Variants in ARMH3 observed in about 807,000 individuals in gnomAD.
ARMH3 encodes armadillo-like helical domain-containing protein 3.
A neutral mutation model predicts 99.1 loss-of-function variants in ARMH3; 60 were observed. The observed-to-expected ratio is 0.61, with a 90% CI of 0.49 to 0.75. ARMH3 has a LOEUF of 0.75. ARMH3 is among the 30% of genes least tolerant of loss of function. The probability of loss-of-function intolerance (pLI) is 0.00; values close to 1 mark genes in which losing one functional copy is unlikely to be tolerated. For missense variants in ARMH3, 679 were observed against 843.1 expected (o/e 0.81, Z 2.41); for synonymous variants, 285 against 292.8 (o/e 0.97, Z 0.27).
intron 23 of ARMH3, among the ~76,000 whole-genome samples, chr10:101,895,945 T>C (rs2067821992): frequency 6.6e-6 from 1 of 152,186 alleles, no homozygotes; most frequent in African/African-American, 2.4e-5. Flanking sequence ...GAGATACCAC[T>C]TCACACCCAT....
At chr10:101,856,864 G>A (rs2066748940) in intron 24 of ARMH3, among the ~76,000 whole-genome samples, 2 of 152,104 alleles carry the variant, frequency 1.3e-5, no homozygotes, top group African/African-American at 4.8e-5. Flanking sequence ...TTCCCATAAT[G>A]TGGAGGGGGC....
intron 22 of ARMH3, among the ~76,000 whole-genome samples, chr10:101,950,955 T>C (rs149630508): frequency 1.8e-3 from 276 of 152,312 alleles, no homozygotes; most frequent in Middle Eastern, 3.4e-3. Flanking sequence ...GGTAGGTGAA[T>C]TATATCTCAT....
chr10:102,020,042 GTCAAACATGTCATC>G (rs1331873083), intron 8 of ARMH3, among the ~76,000 whole-genome samples: 1 of 149,504 alleles, frequency 6.7e-6, no homozygotes, highest in Non-Finnish European at 1.5e-5. Flanking sequence ...TCTCAAACAT[GTCAAACATGTCATC>G]TCAAACATCA....
At chr10:102,009,554 A>C (rs1249686292) in intron 12 of ARMH3, 105 bp from the exon 13 acceptor site, 1 of 974,862 alleles carries the variant, frequency 1.0e-6, no homozygotes, top group Non-Finnish European at 1.6e-6. Context: ...CTCATTATCA[A>C]TTCCTTTGCA....
intron 19 of ARMH3, among the ~76,000 whole-genome samples, chr10:101,985,214 GTA>G (rs538671653): frequency 2.7e-4 from 39 of 144,498 alleles, no homozygotes; most frequent in East Asian, 2.0e-3. Flanking sequence ...ACGTATATAT[GTA>G]TATATATACG....
intron 23 of ARMH3, among the ~76,000 whole-genome samples, chr10:101,933,129 T>C (rs192908701): frequency 6.6e-6 from 1 of 152,244 alleles, no homozygotes; most frequent in East Asian, 1.9e-4. Context: ...GAGCTTGCAG[T>C]GAGCGGAGAT....
chr10:101,885,960 C>T (rs902725741), intron 24 of ARMH3, among the ~76,000 whole-genome samples: 7 of 151,160 alleles, frequency 4.6e-5, no homozygotes, highest in African/African-American at 1.2e-4. Context: ...GGGAGGCTGA[C>T]GCAGGAGAAT....
At chr10:101,869,952 G>C (rs2067095286) in intron 24 of ARMH3, among the ~76,000 whole-genome samples, 1 of 152,230 alleles carries the variant, frequency 6.6e-6, no homozygotes, top group Non-Finnish European at 1.5e-5. Context: ...AGGATCACTT[G>C]ATCCTGGGAA....
At chr10:102,016,311 T>A (rs1411026972) in intron 8 of ARMH3, among the ~76,000 whole-genome samples, 1 of 152,186 alleles carries the variant, frequency 6.6e-6, no homozygotes, top group Non-Finnish European at 1.5e-5. Flanking sequence ...AGTTTCAGAT[T>A]TGGGGGCATT....
At chr10:102,013,827 A>C in intron 9 of ARMH3, 141 bp downstream of exon 9, 1 of 710,064 alleles carries the variant, frequency 1.4e-6, no homozygotes, top group South Asian at 2.1e-5. Flanking sequence ...GACGCACTAA[A>C]AAGAAATATT....
intron 18 of ARMH3, among the ~76,000 whole-genome samples, chr10:101,990,862 A>G (rs1846758426): frequency 6.6e-6 from 1 of 152,206 alleles, no homozygotes; most frequent in African/African-American, 2.4e-5. Flanking sequence ...CTGCCAATAA[A>G]TTCAGATAAA....
intron 24 of ARMH3, among the ~76,000 whole-genome samples, chr10:101,877,913 C>CT (rs986498333): frequency 1.3e-4 from 19 of 149,410 alleles, no homozygotes; most frequent in Admixed American, 2.0e-4. Context: ...CATTTTTAGT[C>CT]TTTTTTTTTT....
intron 23 of ARMH3, among the ~76,000 whole-genome samples, chr10:101,898,072 GGCAATATA>G (rs2067883633): frequency 6.6e-6 from 1 of 152,120 alleles, no homozygotes; most frequent in Non-Finnish European, 1.5e-5. Flanking sequence ...TAACAATGTA[GGCAATATA>G]GCTTAAGAGA....
intron 24 of ARMH3, among the ~76,000 whole-genome samples, chr10:101,882,367 A>C (rs757352939): frequency 6.6e-6 from 1 of 152,240 alleles, no homozygotes; most frequent in Non-Finnish European, 1.5e-5. Context: ...AGGAAGTAAG[A>C]GCAGATATAA....
intron 20 of ARMH3, among the ~76,000 whole-genome samples, chr10:101,973,701 A>C (rs1845873053): frequency 6.6e-6 from 1 of 152,218 alleles, no homozygotes; most frequent in South Asian, 2.1e-4. Flanking sequence ...GAGATAGAAT[A>C]GCTAGGACAA....
chr10:102,055,972 G>A (rs1203016377), intron 1 of ARMH3, 113 bp downstream of exon 1: 1 of 152,482 alleles, frequency 6.6e-6, no homozygotes, highest in Admixed American at 6.5e-5. Context: ...TCGTCCCCGC[G>A]GCCAGCGCAG....
At chr10:101,964,263 G>A (rs982255585) in intron 20 of ARMH3, among the ~76,000 whole-genome samples, 2 of 152,104 alleles carry the variant, frequency 1.3e-5, no homozygotes, top group African/African-American at 4.8e-5. Flanking sequence ...GCCCGCCTTG[G>A]CTTCCCAAAG....
chr10:101,928,856 G>A (rs1474191789), intron 23 of ARMH3, among the ~76,000 whole-genome samples: 2 of 151,984 alleles, frequency 1.3e-5, no homozygotes, highest in Admixed American at 6.6e-5. Flanking sequence ...TCAGCCTCCC[G>A]AGGAGCTGGG....
chr10:101,911,196 TGA>T, intron 23 of ARMH3, among the ~76,000 whole-genome samples: 1 of 151,322 alleles, frequency 6.6e-6, no homozygotes, highest in African/African-American at 2.4e-5. Context: ...CTTCAGAAAA[TGA>T]GTGTGTGAAC....
Sources: gnomAD v4.1 joint callset for allele counts (sites outside exome capture counted in the v4.1 genomes callset) on GRCh38, gnomAD v4.1.1 for gene constraint, MANE v1.5 for transcripts, NCBI Gene and HGNC (gene_info 2026-07-23, HGNC 2026-07-21) for gene names.